The following CELA2B variants were observed in gnomAD, a reference collection of about 807,000 sequenced individuals.
The protein encoded by CELA2B is chymotrypsin like elastase 2B, also known as chymotrypsin-like elastase family member 2B.
Under a neutral mutation model 36.5 loss-of-function variants are expected in CELA2B, and 27 were observed. The observed-to-expected ratio is 0.74, with a 90% confidence interval of 0.55 to 1.02. CELA2B has a LOEUF of 1.02. Among genes scored for constraint, CELA2B ranks in the 50% least tolerant of loss-of-function variants. CELA2B has a pLI of 0.00. For synonymous variants in CELA2B, 143 were observed against 148.5 expected (o/e 0.96, Z 0.27); for missense variants, 340 against 347.8 (o/e 0.98, Z 0.18).
intron 7 of CELA2B, 60 bp from the exon 8 acceptor site, chr1:15,491,235 G>T: frequency 6.2e-7 from 1 of 1,610,040 alleles, no homozygotes; most frequent in South Asian, 1.1e-5. Context: ...ACAGGAAACT[G>T]CCACGCACAG....
At chr1:15,488,369 A>G (rs1237610409) in intron 7 of CELA2B, among the ~76,000 whole-genome samples, 1 of 152,218 alleles carries the variant, frequency 6.6e-6, no homozygotes, top group Non-Finnish European at 1.5e-5. Flanking sequence ...CCTGAGCGAC[A>G]TAGCAAGACC....
intron 7 of CELA2B, among the ~76,000 whole-genome samples, chr1:15,490,651 T>C (rs188229739): frequency 6.6e-6 from 1 of 152,148 alleles, no homozygotes; most frequent in African/African-American, 2.4e-5. Flanking sequence ...GTAGATCACT[T>C]GAGGTCAGCA....
chr1:15,477,368 CAAAAG>C (rs1374134573), intron 2 of CELA2B, among the ~76,000 whole-genome samples: 1 of 152,108 alleles, frequency 6.6e-6, no homozygotes, highest in African/African-American at 2.4e-5. Flanking sequence ...GTGGGAATTT[CAAAAG>C]AAATGTGTAA....
chr1:15,488,234 T>G (rs1708829722), intron 7 of CELA2B, among the ~76,000 whole-genome samples: 1 of 152,108 alleles, frequency 6.6e-6, no homozygotes, highest in African/African-American at 2.4e-5. Flanking sequence ...AAAGATTTTT[T>G]TTTTTAATTA....
rs148560379 is a variant in CELA2B at position 15,485,905 on chromosome 1, C to T, written c.498C>T (p.Asn166=). ...CTTCTCTCTGGTCTCATTCAGCCAA[C>T]GGGGCTCTCCCTGATGACCTGAAGC... ...YVTGWGRLQT[N]GALPDDLKQG... Residue 166 remains asparagine (N), a synonymous_variant, in exon 6 of 8, where the codon AAC becomes AAT. Coordinates refer to ENST00000375910, the MANE Select transcript of CELA2B (RefSeq NM_015849.3). The T allele has an allele frequency of 7.5e-4, 1,204 of 1,614,172 alleles. 10 individuals are homozygous for T. In the East Asian group the frequency reaches 0.022, roughly 30 times the overall value.
At chr1:15,481,792 G>A (rs184866038) in intron 3 of CELA2B, 78 of 469,338 alleles carry the variant, frequency 1.7e-4, no homozygotes, top group African/African-American at 3.0e-4. Flanking sequence ...TCTCCCATCC[G>A]ACTTATAATA....
chr1:15,487,484 C>T (rs1463626875), intron 7 of CELA2B, 47 bp downstream of exon 7: 1 of 1,606,284 alleles, frequency 6.2e-7, no homozygotes, highest in South Asian at 1.1e-5. Context: ...ACCTGCTCAC[C>T]TGGCCTCGGG....
intron 2 of CELA2B, 94 bp from the exon 3 acceptor site, chr1:15,481,004 C>T (rs1389005659): frequency 7.1e-6 from 10 of 1,405,422 alleles, no homozygotes; most frequent in Non-Finnish European, 1.0e-5. Context: ...GCCTCACTCC[C>T]CCTTACCCTT....
intron 3 of CELA2B, among the ~76,000 whole-genome samples, chr1:15,481,951 T>G (rs1372848769): frequency 4.6e-5 from 7 of 152,198 alleles, no homozygotes; most frequent in South Asian, 4.1e-4. Context: ...GGTTGAAAAT[T>G]TCCTTGAGGG....
At chr1:15,489,649 A>G (rs941529940) in intron 7 of CELA2B, among the ~76,000 whole-genome samples, 2 of 152,172 alleles carry the variant, frequency 1.3e-5, no homozygotes, top group African/African-American at 4.8e-5. Flanking sequence ...AAGAGCAGAG[A>G]AGCAGAGGAG....
rs760724872 is a variant in CELA2B, at chr1:15,481,172, C to T, written c.204C>T (p.Val68=). The change falls in exon 3 of 8, where the codon GTC becomes GTT. Residue 68 remains valine, a synonymous_variant. Coordinates refer to ENST00000375910, the MANE Select transcript of CELA2B (RefSeq NM_015849.3). ...GGTCCCTGATAGCCAACAGCTGGGT[C>T]CTGACGGCTGCCCACTGCATCAGGT... ...CGGSLIANSW[V]LTAAHCISSS... is the part of the protein sequence containing the mutation. The T allele has an allele frequency of 6.2e-7, 1 of 1,614,144 alleles. No homozygotes were observed. The highest frequency in any genetic ancestry group is 1.7e-5 in the Admixed American group (1 of 60,032).
At position 15,483,360 on chromosome 1, in the gene CELA2B, C is replaced by T. The variant is rs1401603496; in HGVS notation, c.453C>T (p.Asn151=). 1 of 1,614,194 alleles carries T rather than the reference C, an allele frequency of 6.2e-7. No homozygotes were observed. The highest frequency in any genetic ancestry group is 8.5e-7 in the Non-Finnish European group (1 of 1,180,010). Residue 151 remains asparagine, a synonymous_variant, in exon 5 of 8, where the codon AAC becomes AAT. Transcript: ENST00000375910. ...CLPPAGTILP[N]NYPCYVTGWG... is the part of the protein sequence containing the mutation. ...CTCCTGCCGGCACCATTCTACCCAA[C>T]AACTACCCCTGCTACGTCACGGGCT...
intron 4 of CELA2B, 127 bp from the exon 5 acceptor site, chr1:15,483,137 G>A: frequency 7.0e-7 from 1 of 1,420,692 alleles, no homozygotes; most frequent in South Asian, 1.3e-5. Context: ...ATGCCCTGTG[G>A]GCCCTGCCGG....
chr1:15,485,817 CA>C (rs1708796454), intron 5 of CELA2B, 83 bp from the exon 6 acceptor site: 1 of 1,513,048 alleles, frequency 6.6e-7, no homozygotes. Flanking sequence ...AAGATGGTAA[CA>C]GGGGAAATCC....
At chr1:15,487,158 G>A (rs568063642) in intron 6 of CELA2B, 127 bp from the exon 7 acceptor site, 5 of 838,680 alleles carry the variant, frequency 6.0e-6, no homozygotes, top group Middle Eastern at 4.8e-4. Context: ...CTTGAGCTAT[G>A]ACCACAAGGA....
chr1:15,476,402 T>A (rs1342498971), intron 1 of CELA2B, 55 bp from the exon 2 acceptor site: 14 of 1,562,546 alleles, frequency 9.0e-6, no homozygotes, highest in Non-Finnish European at 1.2e-5. Context: ...GCATGTATAG[T>A]TTACATTGTG....
intron 6 of CELA2B, 54 bp downstream of exon 6, chr1:15,486,100 G>A: frequency 6.3e-7 from 1 of 1,593,488 alleles, no homozygotes; most frequent in Non-Finnish European, 8.6e-7. Context: ...GCTGGGGATG[G>A]GAAGAGGCTA....
intron 3 of CELA2B, chr1:15,481,703 C>T (rs7520335): frequency 0.25 from 116,877 of 470,040 alleles, 15,737 homozygotes; most frequent in East Asian, 0.54. Flanking sequence ...CTTCTTTGTC[C>T]GTGACCTCTG....
In CELA2B at chr1:15,488,516, G is replaced by A. The variant is rs1478247949; in HGVS notation, c.792+1079G>A. Among the ~76,000 whole-genome samples the A allele has an allele frequency of 9.9e-5, 15 of 152,228 alleles. 1 individual carries two copies. Among genetic ancestry groups the A allele is most frequent in the Admixed American group, 9.8e-4 (15 of 15,282 alleles). Reference sequence around the variant, plus strand: ...GGGGAGCCCAGGAGAGGGCAGAGGAGACACCATGCCTGGTAATAGAAGCTG... The same window carrying A: ...GGGGAGCCCAGGAGAGGGCAGAGGAAACACCATGCCTGGTAATAGAAGCTG... On this transcript the variant is annotated intron_variant, in intron 7 of 7. Transcript: ENST00000375910.
Sources: allele counts gnomAD v4.1 joint callset (sites outside exome capture counted in the v4.1 genomes callset), GRCh38; gene constraint gnomAD v4.1.1; transcripts MANE v1.5; gene names NCBI Gene and HGNC (gene_info 2026-07-23, HGNC 2026-07-21).